Variants in CSMD3 observed in about 807,000 individuals in gnomAD.
CSMD3 encodes CUB and Sushi multiple domains 3.
Under a neutral mutation model 435.2 loss-of-function variants are expected in CSMD3, and 177 were observed. The observed-to-expected ratio is 0.41, with a 90% CI of 0.36 to 0.46. The LOEUF (loss-of-function observed/expected upper bound fraction) is 0.46. CSMD3 is among the 20% of genes least tolerant of loss of function. The probability of loss-of-function intolerance (pLI) is 0.34; values close to 1 mark genes in which losing one functional copy is unlikely to be tolerated. For synonymous variants in CSMD3, 1,656 were observed against 1,520.5 expected (o/e 1.09, Z -2.07); for missense variants, 4,265 against 4,504.6 (o/e 0.95, Z 1.52).
Position 113,173,873 on chromosome 8 carries a change from T to C in CSMD3, c.558A>G (p.Lys186=), listed in dbSNP as rs1321339317. ...CGAATCTTGTGCCATATAATACACCTTTGGGTGGAACACCAGGATTTCCAC... is the reference window on the plus strand; with the variant it reads ...CGAATCTTGTGCCATATAATACACCCTTGGGTGGAACACCAGGATTTCCAC... The part of the protein sequence containing the change: ...SSCGNPGVPP[K]GVLYGTRFDV... Residue 186 remains lysine (K), a synonymous_variant, in exon 4 of 71, where the codon AAA becomes AAG. Coordinates refer to ENST00000297405, the MANE Select transcript of CSMD3 (RefSeq NM_198123.2). 6.2e-7 allele frequency: 1 copy of C among 1,613,714 alleles called. No individual in the cohort carries two copies. Among genetic ancestry groups the C allele is most frequent in the Non-Finnish European group, 8.5e-7 (1 of 1,179,842 alleles).
chr8:113,248,408 G>T, intron 3 of CSMD3, among the ~76,000 whole-genome samples: 1 of 137,788 alleles, frequency 7.3e-6, no homozygotes, highest in East Asian at 2.0e-4. Context: ...AGATTATAGA[G>T]ATTCTATTAT....
chr8:113,376,181 A>G, intron 1 of CSMD3, among the ~76,000 whole-genome samples: 1 of 152,176 alleles, frequency 6.6e-6, no homozygotes, highest in East Asian at 1.9e-4. Flanking sequence ...TTACTTTTAA[A>G]GGCAGGATAT....
At chr8:112,642,788 T>G (rs2074869472) in intron 20 of CSMD3, among the ~76,000 whole-genome samples, 1 of 152,178 alleles carries the variant, frequency 6.6e-6, no homozygotes, top group African/African-American at 2.4e-5. Context: ...TAAGTCCCAG[T>G]AATCTAAAAA....
intron 22 of CSMD3, among the ~76,000 whole-genome samples, chr8:112,606,972 G>GAAAAAAAAAAA (rs71309778): frequency 2.7e-5 from 1 of 36,644 alleles, no homozygotes; most frequent in Non-Finnish European, 4.7e-5. Flanking sequence ...CTCAAGCTAT[G>GAAAAAAAAAAA]AAAAAAAAAA....
intron 32 of CSMD3, among the ~76,000 whole-genome samples, chr8:112,443,354 A>G (rs1454533792): frequency 6.6e-6 from 1 of 152,252 alleles, no homozygotes; most frequent in Non-Finnish European, 1.5e-5. Flanking sequence ...AAGTCCAAAT[A>G]GGAAGAAAGA....
rs527599708 is a variant in CSMD3 at position 112,494,667 on chromosome 8, C to T, written c.5084-1984G>A. Among the ~76,000 whole-genome samples, 12 of 151,802 alleles carry T rather than the reference C, an allele frequency of 7.9e-5. No individual in the cohort carries two copies. The East Asian group carries it at 1.6e-3, about 20-fold the overall frequency. On this transcript the variant is annotated intron_variant, in intron 30 of 70. Transcript: ENST00000297405. ...CAATCAGAAAATGTTCTGGCACTCACGGAAATTACAGTCTCTTAAAGAAAG... is the reference window on the plus strand; with the variant it reads ...CAATCAGAAAATGTTCTGGCACTCATGGAAATTACAGTCTCTTAAAGAAAG...
At chr8:113,004,847 A>G (rs985660024) in intron 6 of CSMD3, among the ~76,000 whole-genome samples, 1 of 151,244 alleles carries the variant, frequency 6.6e-6, no homozygotes, top group African/African-American at 2.4e-5. Flanking sequence ...GAATTTATGT[A>G]ATTTAATGAT....
At chr8:112,793,265 C>T (rs2132298981) in intron 13 of CSMD3, among the ~76,000 whole-genome samples, 1 of 148,346 alleles carries the variant, frequency 6.7e-6, no homozygotes, top group East Asian at 2.0e-4. Context: ...GAAATTTGCT[C>T]ATGATGAATA....
At chr8:112,613,983 T>C (rs2131482760) in intron 22 of CSMD3, among the ~76,000 whole-genome samples, 1 of 152,230 alleles carries the variant, frequency 6.6e-6, no homozygotes, top group Non-Finnish European at 1.5e-5. Flanking sequence ...TTAAAAACAT[T>C]GGTAGATTAA....
intron 3 of CSMD3, among the ~76,000 whole-genome samples, chr8:113,216,348 A>G (rs1336611751): frequency 6.6e-6 from 1 of 151,832 alleles, no homozygotes; most frequent in Non-Finnish European, 1.5e-5. Context: ...AATTGTGTTT[A>G]TTTTCATATG....
At chr8:113,247,832 G>C (rs2132279185) in intron 3 of CSMD3, among the ~76,000 whole-genome samples, 1 of 152,210 alleles carries the variant, frequency 6.6e-6, no homozygotes, top group African/African-American at 2.4e-5. Context: ...TTAAGGGGGA[G>C]TGTTACAGTA....
chr8:112,399,164 C>T (rs906494896), intron 35 of CSMD3, among the ~76,000 whole-genome samples: 11 of 152,024 alleles, frequency 7.2e-5, no homozygotes, highest in South Asian at 2.1e-4. Context: ...GTGATCCACC[C>T]GCCTCGGCTA....
chr8:113,321,898 A>G (rs1282172080), intron 1 of CSMD3, among the ~76,000 whole-genome samples: 2 of 152,212 alleles, frequency 1.3e-5, no homozygotes, highest in Non-Finnish European at 2.9e-5. Context: ...TCACTGAGGA[A>G]CAATATTTCT....
At chr8:113,178,490 C>A (rs1186264366) in intron 3 of CSMD3, among the ~76,000 whole-genome samples, 1 of 151,616 alleles carries the variant, frequency 6.6e-6, no homozygotes, top group Non-Finnish European at 1.5e-5. Context: ...TGGTGGCTAC[C>A]AAAAGTAATA....
intron 22 of CSMD3, among the ~76,000 whole-genome samples, chr8:112,602,665 C>A (rs1490192801): frequency 6.6e-6 from 1 of 151,348 alleles, no homozygotes; most frequent in Admixed American, 6.6e-5. Flanking sequence ...CACAGCATCA[C>A]CGATAACATA....
intron 13 of CSMD3, among the ~76,000 whole-genome samples, chr8:112,698,054 A>G (rs2076298463): frequency 6.6e-6 from 1 of 152,078 alleles, no homozygotes; most frequent in Non-Finnish European, 1.5e-5. Flanking sequence ...TTGAGGAGAT[A>G]TTAGGGTCAA....
At chr8:112,518,591 A>T (rs921268573) in intron 27 of CSMD3, among the ~76,000 whole-genome samples, 37 of 150,594 alleles carry the variant, frequency 2.5e-4, no homozygotes, top group Non-Finnish European at 4.6e-4. Context: ...ATGGATAGAG[A>T]TCTTTTATAA....
intron 66 of CSMD3, among the ~76,000 whole-genome samples, chr8:112,240,473 G>A (rs1298778442): frequency 6.6e-6 from 1 of 151,994 alleles, no homozygotes; most frequent in Non-Finnish European, 1.5e-5. Flanking sequence ...TTTTCGACAA[G>A]TGTTGAATGT....
At chr8:113,431,644 C>T (rs1197637172) in intron 1 of CSMD3, among the ~76,000 whole-genome samples, 1 of 151,996 alleles carries the variant, frequency 6.6e-6, no homozygotes, top group African/African-American at 2.4e-5. Flanking sequence ...TATTTGGAGG[C>T]TAAGGAAGTA....
Sources: gnomAD v4.1 joint callset for allele counts (sites outside exome capture counted in the v4.1 genomes callset) on GRCh38, gnomAD v4.1.1 for gene constraint, MANE v1.5 for transcripts, NCBI Gene and HGNC (gene_info 2026-07-23, HGNC 2026-07-21) for gene names.